Variants in DYM observed in about 807,000 individuals in gnomAD.
DYM encodes dymeclin.
A neutral mutation model predicts 93.1 loss-of-function variants in DYM; 78 were observed. The ratio of observed to expected loss-of-function variants is 0.84; its 90% CI spans 0.70 to 1.01. DYM has a LOEUF of 1.01. Ranked by LOEUF, DYM falls within the 50% of genes least tolerant of loss-of-function variation. The pLI, the probability that DYM is intolerant of heterozygous loss-of-function variation, is 0.00. For synonymous variants in DYM, 321 were observed against 319.7 expected (o/e 1.00, Z -0.04); for missense variants, 789 against 845.0 (o/e 0.93, Z 0.82).
intron 2 of DYM, among the ~76,000 whole-genome samples, chr18:49,394,006 G>C (rs1407672226): frequency 1.3e-5 from 2 of 152,134 alleles, no homozygotes; most frequent in African/African-American, 2.4e-5. Context: ...CTAGTGTTTA[G>C]TCAGTATAGA....
chr18:49,123,356 T>C (rs1419576861), intron 15 of DYM, among the ~76,000 whole-genome samples: 1 of 152,202 alleles, frequency 6.6e-6, no homozygotes, highest in Non-Finnish European at 1.5e-5. Context: ...CTAAAGACAG[T>C]ACTGGCCGGG....
chr18:49,361,966 T>C (rs74785938), intron 6 of DYM, among the ~76,000 whole-genome samples: 13,831 of 151,884 alleles, frequency 0.091, 839 homozygotes, highest in East Asian at 0.31. Context: ...CCTCATGAAC[T>C]GCCCACCTTG....
chr18:49,149,183 C>G (rs1031751251), intron 15 of DYM, among the ~76,000 whole-genome samples: 2 of 152,106 alleles, frequency 1.3e-5, no homozygotes, highest in African/African-American at 4.8e-5. Flanking sequence ...GCTGATCTGG[C>G]AGGTGGTGGA....
intron 2 of DYM, among the ~76,000 whole-genome samples, chr18:49,419,542 G>T (rs1006104533): frequency 1.3e-5 from 2 of 152,084 alleles, no homozygotes; most frequent in African/African-American, 4.8e-5. Context: ...TGAAATGCCA[G>T]CTCCACATAA....
rs113291274 is a variant in DYM, at chr18:49,220,211, C to A, written c.1461-10496G>T. Among the ~76,000 whole-genome samples the A allele has an allele frequency of 2.0e-5, 3 of 151,828 alleles. No homozygotes were observed. In the South Asian group the frequency reaches 6.3e-4, roughly 32 times the overall value. On this transcript the variant is annotated intron_variant, in intron 13 of 17. Coordinates refer to ENST00000675505, the MANE Select transcript of DYM (RefSeq NM_001353214.3). ...CCAACTTACAAGGGACATGAAGGAC[C>A]TCTTCAAGGAGAACTACAAACCACT...
chr18:49,099,210 T>C (rs1256469413), intron 16 of DYM, among the ~76,000 whole-genome samples: 3 of 152,244 alleles, frequency 2.0e-5, no homozygotes, highest in African/African-American at 7.2e-5. Flanking sequence ...TGAATTTTTT[T>C]TTTCTTTCTA....
At chr18:49,306,267 C>A (rs531753764) in intron 8 of DYM, among the ~76,000 whole-genome samples, 41 of 152,152 alleles carry the variant, frequency 2.7e-4, no homozygotes, top group African/African-American at 9.9e-4. Flanking sequence ...ACAAAGGTTA[C>A]CCAGAAGTAG....
intron 14 of DYM, among the ~76,000 whole-genome samples, chr18:49,165,585 T>C (rs1006036025): frequency 6.6e-6 from 1 of 152,094 alleles, no homozygotes; most frequent in African/African-American, 2.4e-5. Context: ...ACTCATATCA[T>C]CAAGGAAAAA....
chr18:49,268,156 C>G (rs989726760), intron 11 of DYM, among the ~76,000 whole-genome samples: 3 of 152,080 alleles, frequency 2.0e-5, no homozygotes, highest in African/African-American at 7.2e-5. Context: ...TTAAGAAATG[C>G]AAATTCAAAT....
At chr18:49,177,383 C>T (rs1236761165) in intron 14 of DYM, among the ~76,000 whole-genome samples, 2 of 152,162 alleles carry the variant, frequency 1.3e-5, no homozygotes, top group East Asian at 1.9e-4. Flanking sequence ...GTACCTATAA[C>T]TACGTTATAA....
chr18:49,069,998 G>A (rs1048763932), intron 17 of DYM, among the ~76,000 whole-genome samples: 3 of 152,290 alleles, frequency 2.0e-5, no homozygotes, highest in Non-Finnish European at 2.9e-5. Context: ...CCAAGATCGC[G>A]CCACAGCACT....
intron 2 of DYM, among the ~76,000 whole-genome samples, chr18:49,423,540 A>G (rs1378454756): frequency 6.6e-6 from 1 of 152,226 alleles, no homozygotes; most frequent in Non-Finnish European, 1.5e-5. Context: ...GAAATAACTA[A>G]GATCGGAGCA....
At chr18:49,225,313 A>G (rs1041004792) in intron 13 of DYM, among the ~76,000 whole-genome samples, 25 of 152,168 alleles carry the variant, frequency 1.6e-4, no homozygotes, top group Admixed American at 1.2e-3. Flanking sequence ...ACTATACAAC[A>G]GTGGTGCAAG....
At chr18:49,252,917 T>C (rs1050795013) in intron 13 of DYM, among the ~76,000 whole-genome samples, 2 of 152,340 alleles carry the variant, frequency 1.3e-5, no homozygotes, top group African/African-American at 4.8e-5. Flanking sequence ...TGCACACTTA[T>C]GGCATATCCA....
intron 8 of DYM, among the ~76,000 whole-genome samples, chr18:49,320,520 G>A (rs551810181): frequency 2.0e-5 from 3 of 152,184 alleles, no homozygotes; most frequent in African/African-American, 4.8e-5. Flanking sequence ...TGACACCCAG[G>A]CTGAAGTGCA....
intron 8 of DYM, among the ~76,000 whole-genome samples, chr18:49,328,393 G>C (rs758186376): frequency 2.0e-4 from 31 of 152,238 alleles, no homozygotes; most frequent in Middle Eastern, 3.4e-3. Context: ...AAGAGCCAGA[G>C]AGAGAAGTAA....
intron 13 of DYM, among the ~76,000 whole-genome samples, chr18:49,221,946 A>G (rs2093376518): frequency 6.6e-6 from 1 of 151,302 alleles, no homozygotes; most frequent in Non-Finnish European, 1.5e-5. Flanking sequence ...TCAGGCAGCA[A>G]CCTTTATTTG....
chr18:49,369,686 G>A (rs917736123), intron 5 of DYM, among the ~76,000 whole-genome samples: 2 of 152,182 alleles, frequency 1.3e-5, no homozygotes, highest in South Asian at 4.1e-4. Flanking sequence ...CCAGGAGAAA[G>A]CAAACATGCA....
At chr18:49,376,957 A>T (rs1417006803) in intron 5 of DYM, among the ~76,000 whole-genome samples, 1 of 152,338 alleles carries the variant, frequency 6.6e-6, no homozygotes. Flanking sequence ...GGATGAAATG[A>T]CTGTCCTAAG....
Sources: allele counts gnomAD v4.1 joint callset (sites outside exome capture counted in the v4.1 genomes callset), GRCh38; gene constraint gnomAD v4.1.1; transcripts MANE v1.5; gene names NCBI Gene and HGNC (gene_info 2026-07-23, HGNC 2026-07-21).